NDUFB9: variants seen among roughly 807,000 people sequenced by gnomAD.
NDUFB9 encodes the protein NADH:ubiquinone oxidoreductase subunit B9.
A neutral mutation model predicts 30.2 loss-of-function variants in NDUFB9; 24 were observed. The observed-to-expected ratio is 0.80, with a 90% CI of 0.58 to 1.12. The LOEUF (loss-of-function observed/expected upper bound fraction) is 1.12. NDUFB9 is among the 50% of genes most tolerant of loss of function. The probability of loss-of-function intolerance (pLI) is 0.00; values close to 1 mark genes in which losing one functional copy is unlikely to be tolerated. For synonymous variants in NDUFB9, 80 were observed against 84.0 expected, an observed-to-expected ratio of 0.95 and a Z score of 0.26; for missense variants, 204 against 226.0, an observed-to-expected ratio of 0.90 and a Z score of 0.62.
In NDUFB9 at chr8:124,543,153, T is replaced by C. The variant is rs1586713577; in HGVS notation, c.168T>C (p.Asp56=). ...ARFEEHKNEK[D]MAKATQLLKE... ...TTGAAGAACATAAGAATGAAAAGGA[T>C]ATGGCGAAGGCCACCCAGCTGCTGA... is the stretch of plus-strand genomic sequence containing the variant. The change falls in exon 2 of 4, where the codon GAT becomes GAC. Residue 56 remains aspartate, a synonymous_variant. Transcript: ENST00000276689. The C allele has an allele frequency of 6.2e-7, 1 of 1,614,230 alleles. No individual in the cohort carries two copies. Among genetic ancestry groups the C allele is most frequent in the African/African-American group, 1.3e-5 (1 of 75,062 alleles).
chr8:124,543,339 A>G, intron 2 of NDUFB9, 60 bp downstream of exon 2: 2 of 1,540,514 alleles, frequency 1.3e-6, no homozygotes, highest in Non-Finnish European at 1.8e-6. Context: ...TCAGTCCCAC[A>G]CCTCAGCCTC....
At chr8:124,543,905 C>T (rs142015145) in intron 2 of NDUFB9, among the ~76,000 whole-genome samples, 256 of 152,324 alleles carry the variant, frequency 1.7e-3, no homozygotes, top group Middle Eastern at 6.8e-3. Flanking sequence ...CGTTACACGT[C>T]TCTTCCTTTA....
rs1316495306 is a variant in NDUFB9 at position 124,543,194 on chromosome 8, A to G, written c.209A>G (p.Glu70Gly). The stretch of plus-strand genomic sequence containing the variant: ...CAGCTGCTGAAGGAGGCCGAGGAAG[A>G]ATTCTGGTACCGTCAGCATCCACAG... ...ATQLLKEAEEEFWYRQHPQPY... is the reference protein window; with the variant it reads ...ATQLLKEAEEGFWYRQHPQPY... Residue 70 changes from glutamate to glycine, a missense_variant, in exon 2 of 4, where the codon GAA (glutamate) becomes GGA (glycine). Transcript: ENST00000276689. 1 of 1,614,230 alleles carries G rather than the reference A, an allele frequency of 6.2e-7. No homozygotes were observed.
intron 1 of NDUFB9, among the ~76,000 whole-genome samples, chr8:124,542,736 G>A (rs1185870671): frequency 6.6e-6 from 1 of 151,390 alleles, no homozygotes; most frequent in East Asian, 1.9e-4. Flanking sequence ...AGAAGGAAAT[G>A]GAAGTTGTCA....
intron 2 of NDUFB9, among the ~76,000 whole-genome samples, chr8:124,544,639 G>A (rs1015525724): frequency 3.3e-5 from 5 of 152,116 alleles, no homozygotes; most frequent in African/African-American, 1.2e-4. Context: ...CCCTAGAAAT[G>A]GAATAACAAA....
At position 124,539,140 on chromosome 8, in the gene NDUFB9, G is replaced by C. The variant is rs866600933; in HGVS notation, c.-47G>C. 1.9e-6 allele frequency: 3 copies of C among 1,612,984 alleles called. No individual in the cohort carries two copies. Among genetic ancestry groups the C allele is most frequent in the Admixed American group, 1.7e-5 (1 of 60,000 alleles). Reference sequence around the variant, plus strand: ...CCCCGCTCAGTCACCCGCAGCAGGCGTGCAGTTTCCCGGCTCTCCGCGCGG... The same window carrying C: ...CCCCGCTCAGTCACCCGCAGCAGGCCTGCAGTTTCCCGGCTCTCCGCGCGG... On this transcript the variant is annotated 5_prime_UTR_variant, in exon 1 of 4. Coordinates refer to ENST00000276689, the MANE Select transcript of NDUFB9 (RefSeq NM_005005.3).
At chr8:124,539,929 C>T (rs1821866506) in intron 1 of NDUFB9, among the ~76,000 whole-genome samples, 1 of 152,168 alleles carries the variant, frequency 6.6e-6, no homozygotes, top group African/African-American at 2.4e-5. Flanking sequence ...CTCTTTCGAC[C>T]TCTATCCGTC....
chr8:124,545,220 G>A (rs998074606), intron 2 of NDUFB9, among the ~76,000 whole-genome samples: 1 of 152,214 alleles, frequency 6.6e-6, no homozygotes, highest in Non-Finnish European at 1.5e-5. Flanking sequence ...ACTTCGCATA[G>A]CACATCAACT....
At chr8:124,541,532 A>G (rs1313224101) in intron 1 of NDUFB9, among the ~76,000 whole-genome samples, 1 of 152,226 alleles carries the variant, frequency 6.6e-6, no homozygotes, top group Non-Finnish European at 1.5e-5. Context: ...ACTGTTTATG[A>G]CAACCTTAAG....
In NDUFB9 at chr8:124,539,155, T is replaced by C; in HGVS notation, c.-32T>C. 5.0e-6 allele frequency: 8 copies of C among 1,613,238 alleles called. No homozygotes were observed. In the South Asian group the frequency reaches 5.5e-5, roughly 11 times the overall value. The stretch of plus-strand genomic sequence containing the variant: ...CGCAGCAGGCGTGCAGTTTCCCGGC[T>C]CTCCGCGCGGCCGGGGAAGGTCAGC... On this transcript the variant is annotated 5_prime_UTR_variant, in exon 1 of 4. Transcript: ENST00000276689.
intron 2 of NDUFB9, 26 bp downstream of exon 2, chr8:124,543,305 T>C: frequency 1.2e-6 from 2 of 1,600,698 alleles, no homozygotes; most frequent in South Asian, 1.1e-5. Flanking sequence ...GATGACTGCC[T>C]TCTGAGAAAT....
At chr8:124,539,988 C>A (rs1342223012) in intron 1 of NDUFB9, among the ~76,000 whole-genome samples, 1 of 152,114 alleles carries the variant, frequency 6.6e-6, no homozygotes, top group East Asian at 1.9e-4. Context: ...TTTTAATCAC[C>A]TAAATTCATT....
At chr8:124,540,453 G>C (rs948198092) in intron 1 of NDUFB9, among the ~76,000 whole-genome samples, 9 of 152,068 alleles carry the variant, frequency 5.9e-5, no homozygotes, top group Admixed American at 5.9e-4. Context: ...AACACAAATG[G>C]TAAATGTTTG....
intron 3 of NDUFB9, 36 bp from the exon 4 acceptor site, chr8:124,549,725 T>TC: frequency 6.2e-7 from 1 of 1,601,804 alleles, no homozygotes. Flanking sequence ...TCAATTAGAT[T>TC]CCTTTGGTAA....
chr8:124,540,497 C>G (rs528287039), intron 1 of NDUFB9, among the ~76,000 whole-genome samples: 1 of 152,168 alleles, frequency 6.6e-6, no homozygotes, highest in South Asian at 2.1e-4. Context: ...CTGATTTGAT[C>G]ATTATACATT....
Position 124,542,929 on chromosome 8 carries a change from G to GAGA in NDUFB9, c.102-156_102-155insAAG, listed in dbSNP as rs1198834522. 4 of 702,946 alleles carry GAGA rather than the reference G, an allele frequency of 5.7e-6. No homozygotes were observed. The African/African-American group carries it at 7.1e-5, about 12-fold the overall frequency. 43.5% of individuals were successfully genotyped at this position (702,946 alleles called of 1,614,324 possible). On this transcript the variant is annotated intron_variant, in intron 1 of 3. Coordinates refer to ENST00000276689, the MANE Select transcript of NDUFB9 (RefSeq NM_005005.3). ...TGCTGCTGCTGTTTGGTGGGCTGTAGAGGAAGCAGCCATGATGATACGGCT... is the reference window on the plus strand; with the variant it reads ...TGCTGCTGCTGTTTGGTGGGCTGTAGAGAAGGAAGCAGCCATGATGATACGGCT...
chr8:124,544,587 C>G (rs1026841572), intron 2 of NDUFB9, among the ~76,000 whole-genome samples: 2 of 152,142 alleles, frequency 1.3e-5, no homozygotes, highest in African/African-American at 4.8e-5. Context: ...TTCTGAAAAT[C>G]CTGAGGCCCT....
chr8:124,540,093 G>GA (rs935751436), intron 1 of NDUFB9, among the ~76,000 whole-genome samples: 3 of 152,196 alleles, frequency 2.0e-5, no homozygotes, highest in Non-Finnish European at 4.4e-5. Flanking sequence ...GGCCTTCTGG[G>GA]AAAAAAACTC....
intron 3 of NDUFB9, among the ~76,000 whole-genome samples, chr8:124,548,844 TG>T (rs2131615158): frequency 6.6e-6 from 1 of 151,716 alleles, no homozygotes; most frequent in South Asian, 2.1e-4. Context: ...AACAAATGAG[TG>T]GGAAAGGGAG....
Sources: gnomAD v4.1 joint callset for allele counts (sites outside exome capture counted in the v4.1 genomes callset) on GRCh38, gnomAD v4.1.1 for gene constraint, MANE v1.5 for transcripts, NCBI Gene and HGNC (gene_info 2026-07-23, HGNC 2026-07-21) for gene names.